NUCKS1: variants seen among roughly 807,000 people sequenced by gnomAD.
NUCKS1 encodes nuclear casein kinase and cyclin dependent kinase substrate 1, also known as nuclear ubiquitous casein and cyclin-dependent kinase substrate 1.
A neutral mutation model predicts 33.0 loss-of-function variants in NUCKS1; 2 were observed. The ratio of observed to expected loss-of-function variants is 0.06; its 90% CI spans 0.02 to 0.19. NUCKS1 has a LOEUF of 0.19. Among genes scored for constraint, NUCKS1 ranks in the 10% least tolerant of loss-of-function variants. NUCKS1 has a pLI of 1.00. For synonymous variants in NUCKS1, 106 were observed against 102.8 expected (o/e 1.03, Z -0.19); for missense variants, 201 against 293.6 (o/e 0.68, Z 2.31).
chr1:205,748,408 T>G (rs1323940780), intron 1 of NUCKS1, among the ~76,000 whole-genome samples: 1 of 152,168 alleles, frequency 6.6e-6, no homozygotes, highest in Non-Finnish European at 1.5e-5. Flanking sequence ...AAATCTTTAT[T>G]TTATTATTTT....
chr1:205,744,832 A>C (rs1654276358), intron 1 of NUCKS1, among the ~76,000 whole-genome samples: 1 of 151,842 alleles, frequency 6.6e-6, no homozygotes, highest in African/African-American at 2.4e-5. Flanking sequence ...GGGTTTCTCC[A>C]TGTTGGTCAG....
intron 4 of NUCKS1, among the ~76,000 whole-genome samples, chr1:205,722,255 G>A (rs1164295173): frequency 1.3e-5 from 2 of 151,508 alleles, no homozygotes; most frequent in African/African-American, 4.9e-5. Flanking sequence ...TCTTGTTGTT[G>A]TTTGCTTGTT....
In NUCKS1 at chr1:205,716,793, T is replaced by C. The variant is rs1225499929; in HGVS notation, c.*1487A>G. On this transcript the variant is annotated 3_prime_UTR_variant, in exon 7 of 7. Transcript: ENST00000367142. Reference sequence around the variant, plus strand: ...AGCGCCTGGTATTAGATGTGAAGGATCAAACCTACGGATCTATCTCCTGAC... The same window carrying C: ...AGCGCCTGGTATTAGATGTGAAGGACCAAACCTACGGATCTATCTCCTGAC... 1 of 152,180 alleles carries C rather than the reference T, an allele frequency of 6.6e-6. No individual in the cohort carries two copies. The highest frequency in any genetic ancestry group is 1.5e-5 in the Non-Finnish European group (1 of 68,022). The allele number at this position is 152,180 out of a possible 1,614,324, so 9.4% of individuals were successfully genotyped here.
At chr1:205,747,265 G>C (rs952692632) in intron 1 of NUCKS1, among the ~76,000 whole-genome samples, 2 of 152,086 alleles carry the variant, frequency 1.3e-5, no homozygotes, top group Non-Finnish European at 2.9e-5. Flanking sequence ...ACTTATCCAG[G>C]TCCCCATTAA....
At chr1:205,748,163 G>T (rs980870728) in intron 1 of NUCKS1, among the ~76,000 whole-genome samples, 1 of 152,030 alleles carries the variant, frequency 6.6e-6, no homozygotes, top group African/African-American at 2.4e-5. Context: ...ATCCCCACAT[G>T]GTAACATAAA....
At chr1:205,749,175 C>T (rs1315342966) in intron 1 of NUCKS1, among the ~76,000 whole-genome samples, 2 of 152,204 alleles carry the variant, frequency 1.3e-5, no homozygotes, top group African/African-American at 4.8e-5. Context: ...GCTGTTAACC[C>T]GCACCTCCCT....
intron 4 of NUCKS1, among the ~76,000 whole-genome samples, chr1:205,723,321 A>G (rs952508914): frequency 5.3e-5 from 8 of 152,232 alleles, no homozygotes; most frequent in Admixed American, 1.3e-4. Flanking sequence ...TTCTTAGAAG[A>G]TTAAATTTAA....
In NUCKS1 at chr1:205,717,848, A is replaced by G; in HGVS notation, c.*432T>C. On this transcript the variant is annotated 3_prime_UTR_variant, in exon 7 of 7. Transcript: ENST00000367142. ...AATCATTTTGAACTAAAATCTTTCT[A>G]TGTTTTTTGATTACTATTCAACTTG... 1.0e-6 allele frequency: 1 copy of G among 985,934 alleles called. No individual in the cohort carries two copies. Among genetic ancestry groups the G allele is most frequent in the Non-Finnish European group, 1.2e-6 (1 of 830,072 alleles). The allele number at this position is 985,934 out of a possible 1,614,324, so 61.1% of individuals were successfully genotyped here. A position where few individuals can be genotyped will look rare whatever the true frequency, so the allele number is the denominator to read the frequency against.
At chr1:205,749,567 G>C (rs1213485480) in intron 1 of NUCKS1, among the ~76,000 whole-genome samples, 2 of 151,824 alleles carry the variant, frequency 1.3e-5, no homozygotes, top group Non-Finnish European at 2.9e-5. Context: ...AGTGGAGCTC[G>C]AGTCCGCCCG....
intron 1 of NUCKS1, among the ~76,000 whole-genome samples, chr1:205,732,769 G>T (rs1007821698): frequency 2.9e-5 from 1 of 34,502 alleles, no homozygotes. Flanking sequence ...AACAGAGCAA[G>T]ACTCTGTCTC....
Position 205,718,002 on chromosome 1 carries a change from T to C in NUCKS1, c.*278A>G, listed in dbSNP as rs1359589009. The stretch of plus-strand genomic sequence containing the variant: ...AATCCAGTGATTAATTTGACATGGC[T>C]TTCATTGGGAAAGGGGAGGGCTGGC... On this transcript the variant is annotated 3_prime_UTR_variant, in exon 7 of 7. Transcript: ENST00000367142. 13 of 1,078,588 alleles carry C rather than the reference T, an allele frequency of 1.2e-5. No homozygotes were observed. Among genetic ancestry groups the C allele is most frequent in the African/African-American group, 3.3e-5 (2 of 59,990 alleles). The allele number at this position is 1,078,588 out of a possible 1,614,324, so 66.8% of individuals were successfully genotyped here. A position where few individuals can be genotyped will look rare whatever the true frequency, so the allele number is the denominator to read the frequency against.
intron 1 of NUCKS1, among the ~76,000 whole-genome samples, chr1:205,735,725 T>C (rs1654017554): frequency 6.6e-6 from 1 of 152,214 alleles, no homozygotes; most frequent in Non-Finnish European, 1.5e-5. Context: ...TTGTGCAAGG[T>C]ATATAAATAT....
chr1:205,739,997 GTT>G (rs60866378), intron 1 of NUCKS1, among the ~76,000 whole-genome samples: 6 of 81,764 alleles, frequency 7.3e-5, no homozygotes, highest in African/African-American at 2.4e-4. Context: ...TTTACTTTAG[GTT>G]TTTTTTTTTT....
At chr1:205,734,652 G>A (rs2102441237) in intron 1 of NUCKS1, among the ~76,000 whole-genome samples, 2 of 152,296 alleles carry the variant, frequency 1.3e-5, no homozygotes, top group Middle Eastern at 6.8e-3. Flanking sequence ...CCAGCACTTT[G>A]GGAGGCCAAG....
chr1:205,719,613 G>A lies in NUCKS1; in HGVS notation c.446C>T (p.Ser149Leu), dbSNP rs758268939. Reference protein sequence around the residue: ...EDDDDSDYGSSKKKNKKMVKK... With the variant: ...EDDDDSDYGSLKKKNKKMVKK... ...AACCATCTTTTTGTTTTTCTTTTTCGAACTGCCATAGTCACTATCGTCATC... is the reference window on the plus strand; with the variant it reads ...AACCATCTTTTTGTTTTTCTTTTTCAAACTGCCATAGTCACTATCGTCATC... The change falls in exon 6 of 7, where the codon TCG becomes TTG. Residue 149 changes from serine to leucine, a missense_variant. Physicochemically the swap from Ser to Leu is moderately radical, Grantham distance 145. Transcript: ENST00000367142. The A allele has an allele frequency of 1.2e-6, 2 of 1,612,532 alleles. No homozygotes were observed. The highest frequency in any genetic ancestry group is 1.7e-6 in the Non-Finnish European group (2 of 1,179,578).
chr1:205,720,727 A>T, intron 4 of NUCKS1, 74 bp from the exon 5 acceptor site: 1 of 1,391,410 alleles, frequency 7.2e-7, no homozygotes, highest in Non-Finnish European at 9.7e-7. Flanking sequence ...AAAGATTAAT[A>T]ATTGACTGAA....
intron 2 of NUCKS1, among the ~76,000 whole-genome samples, 165 bp downstream of exon 2, chr1:205,729,407 G>T (rs1305109470): frequency 2.6e-5 from 4 of 152,240 alleles, no homozygotes; most frequent in Non-Finnish European, 5.9e-5. Flanking sequence ...TAAAATCCAT[G>T]TAAGTTCAAC....
chr1:205,724,221 T>C (rs1375004411), intron 3 of NUCKS1, among the ~76,000 whole-genome samples: 1 of 152,220 alleles, frequency 6.6e-6, no homozygotes, highest in Non-Finnish European at 1.5e-5. Context: ...AGAAGCTGTC[T>C]CAACACAGGC....
At chr1:205,740,813 CCTA>C (rs1654148934) in intron 1 of NUCKS1, among the ~76,000 whole-genome samples, 3 of 95,348 alleles carry the variant, frequency 3.1e-5, no homozygotes, top group South Asian at 7.8e-4. Context: ...ATCACAATCT[CCTA>C]CTAAGTATAT....
Sources: allele counts gnomAD v4.1 joint callset (sites outside exome capture counted in the v4.1 genomes callset), GRCh38; gene constraint gnomAD v4.1.1; transcripts MANE v1.5; gene names NCBI Gene and HGNC (gene_info 2026-07-23, HGNC 2026-07-21).